Variants in CRIM1 observed in about 807,000 individuals in gnomAD.
CRIM1 encodes cysteine rich transmembrane BMP regulator 1.
CRIM1 carries 32 observed loss-of-function variants against 116.4 expected under a neutral mutation model. The observed-to-expected ratio is 0.27, with a 90% confidence interval of 0.21 to 0.37. The LOEUF (loss-of-function observed/expected upper bound fraction) is 0.37. CRIM1 is among the 10% of genes least tolerant of loss of function. The probability of loss-of-function intolerance (pLI) is 1.00; values close to 1 mark genes in which losing one functional copy is unlikely to be tolerated. For missense variants in CRIM1, 1,331 were observed against 1,354.8 expected, an observed-to-expected ratio of 0.98 and a Z score of 0.28; for synonymous variants, 590 against 509.2, an observed-to-expected ratio of 1.16 and a Z score of -2.13.
chr2:36,419,324 T>A (rs899840714), intron 2 of CRIM1, among the ~76,000 whole-genome samples: 11 of 152,218 alleles, frequency 7.2e-5, no homozygotes, highest in African/African-American at 2.4e-4. Flanking sequence ...TTTACTTCTT[T>A]GGACAGTTGT....
Position 36,408,051 on chromosome 2 carries a change from A to T in CRIM1, c.505+11264A>T, listed in dbSNP as rs576590361. ...CTAATCCCAGGTTGGTTAAAGGAGC[A>T]CCAGAAGTTGTAGGTGAGCAGGTTT... On this transcript the variant is annotated intron_variant, in intron 2 of 16. Transcript: ENST00000280527. Among the ~76,000 whole-genome samples, 6 of 152,328 alleles carry T rather than the reference A, an allele frequency of 3.9e-5. No individual in the cohort carries two copies. In the East Asian group the frequency reaches 7.7e-4, roughly 20 times the overall value.
chr2:36,428,796 G>C (rs1047152244), intron 2 of CRIM1, among the ~76,000 whole-genome samples: 1 of 152,168 alleles, frequency 6.6e-6, no homozygotes, highest in Non-Finnish European at 1.5e-5. Context: ...TATTCTTACA[G>C]TTCATTGTCT....
At chr2:36,384,970 A>G (rs116459583) in intron 1 of CRIM1, among the ~76,000 whole-genome samples, 2,159 of 152,316 alleles carry the variant, frequency 0.014, 44 homozygotes, top group African/African-American at 0.049. Flanking sequence ...GGTATGCCGT[A>G]CATATGAAGC....
intron 2 of CRIM1, among the ~76,000 whole-genome samples, chr2:36,404,496 A>G (rs960708349): frequency 6.6e-6 from 1 of 152,228 alleles, no homozygotes; most frequent in Non-Finnish European, 1.5e-5. Flanking sequence ...GACCGCTTTC[A>G]GTTTAGAGCT....
In CRIM1 at chr2:36,529,437, A is replaced by T. The variant is rs187686770; in HGVS notation, c.2428+7124A>T. 4.0e-5 allele frequency: 9 copies of T among 225,046 alleles called. No homozygotes were observed. The Admixed American group carries it at 4.4e-4, about 11-fold the overall frequency. 13.9% of individuals were successfully genotyped at this position (225,046 alleles called of 1,614,324 possible). A position where few individuals can be genotyped will look rare whatever the true frequency, so the allele number is the denominator to read the frequency against. ...AAAGAAGTTGTATTTCTTCCTCCTT[A>T]TTTGGGCCACCTTGATCTTTAGTTG... On this transcript the variant is annotated intron_variant, in intron 13 of 16. Coordinates refer to ENST00000280527, the MANE Select transcript of CRIM1 (RefSeq NM_016441.3).
At chr2:36,498,005 A>G (rs1370143670) in intron 7 of CRIM1, among the ~76,000 whole-genome samples, 2 of 152,200 alleles carry the variant, frequency 1.3e-5, no homozygotes, top group Non-Finnish European at 2.9e-5. Context: ...GTAAACTTAG[A>G]TAAGCCAGTT....
intron 2 of CRIM1, among the ~76,000 whole-genome samples, chr2:36,427,156 G>A (rs1050154949): frequency 2.0e-5 from 3 of 151,170 alleles, no homozygotes; most frequent in South Asian, 2.1e-4. Flanking sequence ...AGCCGAGATC[G>A]CACCACTGCA....
intron 2 of CRIM1, among the ~76,000 whole-genome samples, chr2:36,413,610 G>A (rs190023742): frequency 5.9e-5 from 9 of 152,228 alleles, no homozygotes; most frequent in African/African-American, 1.7e-4. Flanking sequence ...TACAAATTGC[G>A]TATAAAATTA....
At chr2:36,373,296 T>C (rs553798628) in intron 1 of CRIM1, among the ~76,000 whole-genome samples, 39 of 152,088 alleles carry the variant, frequency 2.6e-4, no homozygotes, top group Admixed American at 1.8e-3. Context: ...AAGGAGGGAG[T>C]GCCCATCAGC....
intron 2 of CRIM1, among the ~76,000 whole-genome samples, chr2:36,412,035 A>G (rs546925242): frequency 3.3e-5 from 5 of 152,188 alleles, no homozygotes; most frequent in Non-Finnish European, 7.3e-5. Flanking sequence ...TTCAAAGGAA[A>G]TATGAGAGAT....
intron 2 of CRIM1, among the ~76,000 whole-genome samples, chr2:36,427,377 G>T (rs1257380572): frequency 6.6e-6 from 1 of 152,128 alleles, no homozygotes; most frequent in Non-Finnish European, 1.5e-5. Flanking sequence ...AGCAGGAGAT[G>T]TTCAGGTAAT....
At chr2:36,396,580 A>G (rs776393601) in intron 1 of CRIM1, 34 bp from the exon 2 acceptor site, 2 of 1,478,824 alleles carry the variant, frequency 1.4e-6, no homozygotes, top group Admixed American at 1.9e-5. Flanking sequence ...TGAAGCTGCA[A>G]ACACACATTA....
chr2:36,415,975 A>G (rs912081880), intron 2 of CRIM1, among the ~76,000 whole-genome samples: 28 of 152,242 alleles, frequency 1.8e-4, no homozygotes, highest in African/African-American at 6.0e-4. Flanking sequence ...TGGGGGGCCA[A>G]GGCACGCGGA....
At chr2:36,532,742 G>C (rs531937179) in intron 13 of CRIM1, among the ~76,000 whole-genome samples, 22 of 152,158 alleles carry the variant, frequency 1.4e-4, no homozygotes, top group South Asian at 1.0e-3. Context: ...CTTCCTAGCT[G>C]TGCATCTTGG....
intron 1 of CRIM1, among the ~76,000 whole-genome samples, chr2:36,361,954 G>C (rs1216996937): frequency 1.3e-5 from 2 of 152,148 alleles, no homozygotes; most frequent in Non-Finnish European, 2.9e-5. Context: ...ATTCTGCAAA[G>C]CTGCATTTTC....
At chr2:36,476,295 T>TTAA (rs1678969465) in intron 5 of CRIM1, among the ~76,000 whole-genome samples, 1 of 152,174 alleles carries the variant, frequency 6.6e-6, no homozygotes, top group Admixed American at 6.5e-5. Flanking sequence ...TTCCTCACTT[T>TTAA]TAAACTCAGG....
chr2:36,548,806 T>C lies in CRIM1; in HGVS notation c.*105T>C. The C allele has an allele frequency of 6.4e-6, 6 of 939,078 alleles. No individual in the cohort carries two copies. The South Asian group carries it at 1.0e-4, about 16-fold the overall frequency. The allele number at this position is 939,078 out of a possible 1,614,324, so 58.2% of individuals were successfully genotyped here. A position where few individuals can be genotyped will look rare whatever the true frequency, so the allele number is the denominator to read the frequency against. On this transcript the variant is annotated 3_prime_UTR_variant, in exon 17 of 17. Transcript: ENST00000280527. ...TTGCTTAGTGGATTGTATTGGATTG[T>C]GACTTGATGTACAGCGCTAAGACCT...
intron 4 of CRIM1, among the ~76,000 whole-genome samples, chr2:36,460,244 T>C (rs1677476315): frequency 6.6e-6 from 1 of 152,234 alleles, no homozygotes; most frequent in Admixed American, 6.5e-5. Flanking sequence ...TCTGGTTACT[T>C]GCAAATACAG....
intron 9 of CRIM1, among the ~76,000 whole-genome samples, chr2:36,511,916 A>G (rs891811533): frequency 2.0e-5 from 3 of 152,214 alleles, no homozygotes; most frequent in Non-Finnish European, 2.9e-5. Context: ...GAAACAAATG[A>G]GTACACAGAT....
Sources: gnomAD v4.1 joint callset for allele counts (sites outside exome capture counted in the v4.1 genomes callset) on GRCh38, gnomAD v4.1.1 for gene constraint, MANE v1.5 for transcripts, NCBI Gene and HGNC (gene_info 2026-07-23, HGNC 2026-07-21) for gene names.